Variants in TMEM117 observed in about 807,000 individuals in gnomAD.
TMEM117 encodes transmembrane protein 117.
TMEM117 carries 27 observed loss-of-function variants against 52.4 expected under a neutral mutation model. The ratio of observed to expected loss-of-function variants is 0.51; its 90% CI spans 0.38 to 0.71. The LOEUF is 0.71. Ranked by LOEUF, TMEM117 falls within the 30% of genes least tolerant of loss-of-function variation. The probability of loss-of-function intolerance (pLI) is 0.00; values close to 1 mark genes in which losing one functional copy is unlikely to be tolerated. For missense variants in TMEM117, 556 were observed against 630.5 expected (o/e 0.88, Z 1.26); for synonymous variants, 215 against 206.3 (o/e 1.04, Z -0.36).
At chr12:43,798,073 G>T in the TMEM117 span, among the ~76,000 whole-genome samples, 1 of 152,020 alleles carries the variant, frequency 6.6e-6, no homozygotes, top group Non-Finnish European at 1.5e-5. Context: ...GTGGGGTTTG[G>T]GTGGGTTTGT....
chr12:44,362,172 G>T (rs981984426), intron 6 of TMEM117, among the ~76,000 whole-genome samples: 4 of 151,770 alleles, frequency 2.6e-5, no homozygotes, highest in Admixed American at 6.6e-5. Flanking sequence ...CACGTATTTG[G>T]CTCTTTACTC....
chr12:44,153,407 AT>A (rs1009649263), intron 4 of TMEM117, among the ~76,000 whole-genome samples: 4 of 151,364 alleles, frequency 2.6e-5, no homozygotes, highest in East Asian at 1.9e-4. Flanking sequence ...TTTTGGTTCA[AT>A]TTTTTTTTCT....
At chr12:43,934,984 T>G (rs1052577874) in intron 2 of TMEM117, among the ~76,000 whole-genome samples, 7 of 152,152 alleles carry the variant, frequency 4.6e-5, no homozygotes, top group African/African-American at 1.7e-4. Flanking sequence ...ATTTTAGTTA[T>G]TTTTATTCTG....
chr12:43,981,304 G>A (rs558359467), intron 3 of TMEM117, among the ~76,000 whole-genome samples: 42 of 152,148 alleles, frequency 2.8e-4, no homozygotes, highest in Non-Finnish European at 5.0e-4. Context: ...TTCAATCTGG[G>A]TTTTAGCTTG....
intron 6 of TMEM117, among the ~76,000 whole-genome samples, chr12:44,329,306 C>T (rs1415275381): frequency 6.6e-6 from 1 of 152,060 alleles, no homozygotes; most frequent in Non-Finnish European, 1.5e-5. Context: ...CCACTAAACA[C>T]ACACACCAAA....
At chr12:43,948,140 G>A (rs754220388) in intron 3 of TMEM117, among the ~76,000 whole-genome samples, 2 of 152,050 alleles carry the variant, frequency 1.3e-5, no homozygotes, top group African/African-American at 2.4e-5. Context: ...CTGAAAGGCA[G>A]TCAGATGGAG....
intron 4 of TMEM117, among the ~76,000 whole-genome samples, chr12:44,148,917 G>A (rs1384874446): frequency 1.3e-5 from 2 of 152,148 alleles, no homozygotes; most frequent in African/African-American, 4.8e-5. Context: ...AAAGGTGGAA[G>A]GAGGTCAGCT....
chr12:44,395,774 A>C, the TMEM117 span, among the ~76,000 whole-genome samples: 2 of 152,162 alleles, frequency 1.3e-5, no homozygotes, highest in Admixed American at 6.5e-5. Flanking sequence ...ATGCTGTAAG[A>C]ATTTTCAGGA....
At chr12:44,102,248 G>A (rs1947873887) in intron 3 of TMEM117, among the ~76,000 whole-genome samples, 2 of 151,914 alleles carry the variant, frequency 1.3e-5, no homozygotes, top group African/African-American at 4.8e-5. Context: ...CTTGCTGTAA[G>A]GAACATTTCC....
intron 2 of TMEM117, among the ~76,000 whole-genome samples, chr12:43,937,970 T>C (rs991573276): frequency 1.4e-4 from 22 of 152,224 alleles, no homozygotes; most frequent in African/African-American, 5.1e-4. Flanking sequence ...CCAAGTAGAT[T>C]AGCCAGACAA....
the TMEM117 span, among the ~76,000 whole-genome samples, chr12:43,825,320 T>A: frequency 1.3e-5 from 2 of 152,182 alleles, no homozygotes; most frequent in African/African-American, 4.8e-5. Context: ...AATATTGATT[T>A]CATTAGTTTG....
chr12:43,983,786 T>C (rs1188948009), intron 3 of TMEM117, among the ~76,000 whole-genome samples: 1 of 151,822 alleles, frequency 6.6e-6, no homozygotes, highest in Non-Finnish European at 1.5e-5. Flanking sequence ...ACAAGGAAGG[T>C]AAATAACTTG....
At chr12:43,847,849 A>G (rs116609893) in intron 2 of TMEM117, among the ~76,000 whole-genome samples, 5,697 of 152,236 alleles carry the variant, frequency 0.037, 270 homozygotes, top group African/African-American at 0.1. Flanking sequence ...ATATTTTAAC[A>G]TAGGTTCTAT....
At chr12:43,854,360 C>T (rs1275666307) in intron 2 of TMEM117, among the ~76,000 whole-genome samples, 2 of 151,286 alleles carry the variant, frequency 1.3e-5, no homozygotes, top group Non-Finnish European at 2.9e-5. Context: ...ACCTCCACAA[C>T]TGATAGGATA....
At chr12:44,025,860 G>T (rs889144548) in intron 3 of TMEM117, among the ~76,000 whole-genome samples, 2 of 152,040 alleles carry the variant, frequency 1.3e-5, no homozygotes, top group Non-Finnish European at 2.9e-5. Context: ...TCTTGACGAA[G>T]AATTTATGAA....
At chr12:44,079,058 G>C (rs1294076015) in intron 3 of TMEM117, among the ~76,000 whole-genome samples, 2 of 151,900 alleles carry the variant, frequency 1.3e-5, no homozygotes, top group Non-Finnish European at 2.9e-5. Context: ...TTTTTTTATG[G>C]CTGCATAGTA....
chr12:44,027,464 G>A (rs112954550), intron 3 of TMEM117, among the ~76,000 whole-genome samples: 2 of 152,092 alleles, frequency 1.3e-5, no homozygotes, highest in East Asian at 3.9e-4. Flanking sequence ...ATGAGCCATC[G>A]CATCTGGCCT....
intron 3 of TMEM117, among the ~76,000 whole-genome samples, chr12:44,020,065 T>A (rs944006261): frequency 1.1e-4 from 16 of 152,230 alleles, no homozygotes; most frequent in African/African-American, 3.4e-4. Flanking sequence ...AAATTTCTAA[T>A]AATTGTGCAT....
intron 3 of TMEM117, among the ~76,000 whole-genome samples, chr12:44,087,984 A>G (rs1489678437): frequency 6.6e-6 from 1 of 152,152 alleles, no homozygotes; most frequent in Non-Finnish European, 1.5e-5. Context: ...AGCACCCCAA[A>G]CATTTACTTT....
Sources: gnomAD v4.1 joint callset for allele counts (sites outside exome capture counted in the v4.1 genomes callset) on GRCh38, gnomAD v4.1.1 for gene constraint, MANE v1.5 for transcripts, NCBI Gene and HGNC (gene_info 2026-07-23, HGNC 2026-07-21) for gene names.